The following CUTC variants were observed in gnomAD, a reference collection of about 807,000 sequenced individuals.
The protein encoded by CUTC is cutC copper transporter.
CUTC carries 27 observed loss-of-function variants against 36.2 expected under a neutral mutation model. The ratio of observed to expected loss-of-function variants is 0.75; its 90% CI spans 0.55 to 1.03. The LOEUF (loss-of-function observed/expected upper bound fraction) is 1.03. Among genes scored for constraint, CUTC ranks in the 50% least tolerant of loss-of-function variants. The pLI is 0.00. For missense variants in CUTC, 315 were observed against 343.5 expected (o/e 0.92, Z 0.66); for synonymous variants, 114 against 118.3 (o/e 0.96, Z 0.24).
chr10:99,755,380 GAAAAAAA>G (rs386372234), intron 8 of CUTC, among the ~76,000 whole-genome samples: 1 of 122,006 alleles, frequency 8.2e-6, no homozygotes, highest in Non-Finnish European at 1.7e-5. Flanking sequence ...ATTTAAAAAG[GAAAAAAA>G]AAAAAAAAAG....
rs1775301123 is a variant in CUTC, at chr10:99,732,362, G to A, written c.14G>A (p.Gly5Glu). 6.4e-7 allele frequency: 1 copy of A among 1,553,226 alleles called. No individual in the cohort carries two copies. Among genetic ancestry groups the A allele is most frequent in the East Asian group, 2.4e-5 (1 of 41,112 alleles). The change falls in exon 1 of 9, where the codon GGG (glycine) becomes GAG (glutamate). Residue 5 changes from glycine (G) to glutamate (E), a missense_variant. Gly to Glu is a moderately conservative substitution (Grantham distance 98). Coordinates refer to ENST00000370476, the MANE Select transcript of CUTC (RefSeq NM_015960.3). ...AACGCGTGGAGCATGAAAAGGCAGGGGGCCTCCTCTGAGCGAAAACGAGCG... is the reference window on the plus strand; with the variant it reads ...AACGCGTGGAGCATGAAAAGGCAGGAGGCCTCCTCTGAGCGAAAACGAGCG... MKRQ[G>E]ASSERKRARI...
At chr10:99,747,422 ACT>A in intron 6 of CUTC, 32 bp downstream of exon 6, 1 of 1,612,416 alleles carries the variant, frequency 6.2e-7, no homozygotes, top group Non-Finnish European at 8.5e-7. Flanking sequence ...TTCCCCTAAG[ACT>A]CTGTTGTGGT....
rs556477526 is a variant in CUTC at position 99,733,514 on chromosome 10, C to T, written c.61+1105C>T. 2.0e-4 allele frequency among the ~76,000 whole-genome samples: 30 copies of T among 151,808 alleles called. No homozygotes were observed. The South Asian group carries it at 6.2e-3, about 32-fold the overall frequency. On this transcript the variant is annotated intron_variant, in intron 1 of 8. Coordinates refer to ENST00000370476, the MANE Select transcript of CUTC (RefSeq NM_015960.3). ...GAAGACAGCTGGATTCTCATGCCCG[C>T]TGCTTCATTCAGTCTAACATGTCAA...
intron 4 of CUTC, among the ~76,000 whole-genome samples, chr10:99,743,705 G>A (rs2037356925): frequency 6.6e-6 from 1 of 152,156 alleles, no homozygotes; most frequent in South Asian, 2.1e-4. Flanking sequence ...ATGCAAAGAG[G>A]ACAGAAGCAA....
At chr10:99,732,627 G>A (rs1314066573) in intron 1 of CUTC, 17 of 1,420,226 alleles carry the variant, frequency 1.2e-5, no homozygotes, top group Non-Finnish European at 1.6e-5. Flanking sequence ...GCCAAGGTTC[G>A]AGTCCCGGGG....
At chr10:99,735,140 T>C (rs1204880934) in intron 1 of CUTC, among the ~76,000 whole-genome samples, 1 of 146,270 alleles carries the variant, frequency 6.8e-6, no homozygotes, top group Non-Finnish European at 1.5e-5. Flanking sequence ...ACTTAGGAAC[T>C]CTAAGTCAAG....
chr10:99,754,688 C>G, intron 8 of CUTC, 54 bp downstream of exon 8: 1 of 1,333,136 alleles, frequency 7.5e-7, no homozygotes, highest in Non-Finnish European at 1.1e-6. Flanking sequence ...TTTTTACTTT[C>G]TCCCAAATAG....
chr10:99,739,290 T>C lies in CUTC; in HGVS notation c.134-420T>C, dbSNP rs74152746. Among the ~76,000 whole-genome samples, 196 of 152,286 alleles carry C rather than the reference T, an allele frequency of 1.3e-3. 1 individual carries two copies. Among genetic ancestry groups the C allele is most frequent in the African/African-American group, 4.6e-3 (192 of 41,580 alleles). ...CATTTTCTTATTCTTGAAATTATCT[T>C]GGTTTAGCTACTCAAAAGTAGCTTT... On this transcript the variant is annotated intron_variant, in intron 2 of 8. Coordinates refer to ENST00000370476, the MANE Select transcript of CUTC (RefSeq NM_015960.3).
intron 6 of CUTC, among the ~76,000 whole-genome samples, chr10:99,749,741 CT>C (rs990406570): frequency 6.6e-6 from 1 of 151,970 alleles, no homozygotes; most frequent in Non-Finnish European, 1.5e-5. Context: ...AGCCACTCCC[CT>C]CTTTCACTCT....
chr10:99,750,472 TGAGA>T (rs1323452970), intron 7 of CUTC, 76 bp downstream of exon 7: 5 of 1,096,814 alleles, frequency 4.6e-6, no homozygotes, highest in Non-Finnish European at 6.6e-6. Flanking sequence ...CAGGAAAATG[TGAGA>T]GAGAGTATTA....
intron 5 of CUTC, among the ~76,000 whole-genome samples, chr10:99,745,444 A>C (rs2037371515): frequency 6.6e-6 from 1 of 152,224 alleles, no homozygotes; most frequent in African/African-American, 2.4e-5. Flanking sequence ...AATCCACTGC[A>C]GGCTAGAGCT....
Position 99,739,776 on chromosome 10 carries a change from G to C in CUTC, c.193+7G>C, listed in dbSNP as rs111409102. On this transcript the variant is annotated splice_region_variant and intron_variant, in intron 3 of 8. Coordinates refer to ENST00000370476, the MANE Select transcript of CUTC (RefSeq NM_015960.3). ...GGAACTACACCCAGCATGGGTAAGTGTCCATTTTTCCCAGGTTTTCTGATT... is the reference window on the plus strand; with the variant it reads ...GGAACTACACCCAGCATGGGTAAGTCTCCATTTTTCCCAGGTTTTCTGATT... 6.9e-6 allele frequency: 11 copies of C among 1,605,180 alleles called. No homozygotes were observed. Among genetic ancestry groups the C allele is most frequent in the African/African-American group, 5.4e-5 (4 of 74,490 alleles).
intron 7 of CUTC, among the ~76,000 whole-genome samples, chr10:99,754,080 A>G (rs1316398448): frequency 1.3e-5 from 2 of 152,256 alleles, no homozygotes; most frequent in Non-Finnish European, 2.9e-5. Flanking sequence ...AATAACCTGT[A>G]TAATACCTTG....
At chr10:99,733,439 G>A (rs7905717) in intron 1 of CUTC, among the ~76,000 whole-genome samples, 146,776 of 152,222 alleles carry the variant, frequency 0.96, 70,971 homozygotes, top group East Asian at 1. Flanking sequence ...AACAAAAAAA[G>A]CAAAAGAGTG....
chr10:99,732,631 C>T, intron 1 of CUTC: 1 of 1,419,156 alleles, frequency 7.0e-7, no homozygotes, highest in African/African-American at 1.5e-5. Context: ...AGGTTCGAGT[C>T]CCGGGGTCCC....
chr10:99,732,429 A>G lies in CUTC; in HGVS notation c.61+20A>G. 6.5e-7 allele frequency: 1 copy of G among 1,546,168 alleles called. No homozygotes were observed. The highest frequency in any genetic ancestry group is 8.7e-7 in the Non-Finnish European group (1 of 1,144,808). Reference sequence around the variant, plus strand: ...AGGCCGGTGCGGAAGGTGGCGGGGGAGGGGACGGTCGGCCGAAGGCTCCCC... The same window carrying G: ...AGGCCGGTGCGGAAGGTGGCGGGGGGGGGGACGGTCGGCCGAAGGCTCCCC... On this transcript the variant is annotated intron_variant, in intron 1 of 8. Coordinates refer to ENST00000370476, the MANE Select transcript of CUTC (RefSeq NM_015960.3).
At position 99,747,276 on chromosome 10, in the gene CUTC, T is replaced by C. The variant is rs776103865; in HGVS notation, c.459T>C (p.Asp153=). 103 of 1,613,990 alleles carry C rather than the reference T, an allele frequency of 6.4e-5. 2 individuals are homozygous for C. The South Asian group carries it at 1.0e-3, about 16-fold the overall frequency. The part of the protein sequence containing the change: ...TFHRAFDMVH[D]PMAALETLLT... Reference sequence around the variant, plus strand: ...TTTCAGCCTTTGACATGGTTCATGATCCAATGGCAGCTCTGGAGACCCTCT... The same window carrying C: ...TTTCAGCCTTTGACATGGTTCATGACCCAATGGCAGCTCTGGAGACCCTCT... The change falls in exon 6 of 9, where the codon GAT becomes GAC. Residue 153 remains aspartate, a synonymous_variant. Coordinates refer to ENST00000370476, the MANE Select transcript of CUTC (RefSeq NM_015960.3).
intron 1 of CUTC, among the ~76,000 whole-genome samples, chr10:99,734,141 C>T (rs923801308): frequency 1.4e-4 from 21 of 148,986 alleles, no homozygotes; most frequent in Non-Finnish European, 2.4e-4. Flanking sequence ...CTGATCTCAG[C>T]TCACTGCAAC....
chr10:99,735,371 G>A (rs1412798121), intron 1 of CUTC, among the ~76,000 whole-genome samples: 1 of 152,034 alleles, frequency 6.6e-6, no homozygotes, highest in Non-Finnish European at 1.5e-5. Flanking sequence ...TTGAGGAGAA[G>A]GCATTGGGGA....
Sources: gnomAD v4.1 joint callset for allele counts (sites outside exome capture counted in the v4.1 genomes callset) on GRCh38, gnomAD v4.1.1 for gene constraint, MANE v1.5 for transcripts, NCBI Gene and HGNC (gene_info 2026-07-23, HGNC 2026-07-21) for gene names.